Variants in DIO2 observed in about 807,000 individuals in gnomAD.
The protein encoded by DIO2 is iodothyronine deiodinase 2.
DIO2 carries 19 observed loss-of-function variants against 21.4 expected under a neutral mutation model. The ratio of observed to expected loss-of-function variants is 0.89; its 90% confidence interval spans 0.62 to 1.30. DIO2 has a LOEUF of 1.30. Ranked by LOEUF, DIO2 falls within the 50% of genes most tolerant of loss-of-function variation. DIO2 has a pLI of 0.00. For missense variants in DIO2, 302 were observed against 338.1 expected, an observed-to-expected ratio of 0.89 and a Z score of 0.84; for synonymous variants, 122 against 132.9, an observed-to-expected ratio of 0.92 and a Z score of 0.57.
chr14:80,220,207 T>C (rs1888439229), intron 2 of DIO2, among the ~76,000 whole-genome samples: 1 of 152,192 alleles, frequency 6.6e-6, no homozygotes, highest in African/African-American at 2.4e-5. Context: ...TCTGAGCAGC[T>C]GGGACTACAG....
In DIO2 at chr14:80,219,935, G is replaced by A. The variant is rs17110461; in HGVS notation, c.-277-3198C>T. On this transcript the variant is annotated intron_variant, in intron 2 of 4. Transcript: ENST00000553594. ...AATCACTATGAGAGGAACTTACGTGGTATTTTTTGACCTTAGAACATAATT... is the reference window on the plus strand; with the variant it reads ...AATCACTATGAGAGGAACTTACGTGATATTTTTTGACCTTAGAACATAATT... Among the ~76,000 whole-genome samples the A allele has an allele frequency of 8.7e-3, 1,321 of 152,146 alleles. 25 individuals carry two copies. Among genetic ancestry groups the A allele is most frequent in the African/African-American group, 0.03 (1,261 of 41,514 alleles).
At chr14:80,214,512 A>AT (rs531082328), upstream of DIO2, among the ~76,000 whole-genome samples, 782 of 151,680 alleles carry the variant, frequency 5.2e-3, 9 homozygotes, top group African/African-American at 0.017. Context: ...TTTGAAGGGA[A>AT]TTTTTTTTTA....
chr14:80,203,357 C>A, intron 1 of DIO2, 69 bp from the exon 2 acceptor site: 3 of 1,442,560 alleles, frequency 2.1e-6, no homozygotes, highest in Non-Finnish European at 2.8e-6. Flanking sequence ...CACATTGCCA[C>A]TTGAATTCAC....
intron 2 of DIO2, among the ~76,000 whole-genome samples, chr14:80,224,344 T>C (rs993911033): frequency 6.6e-6 from 1 of 152,108 alleles, no homozygotes; most frequent in Admixed American, 6.6e-5. Flanking sequence ...AATCCTAATC[T>C]CTGGAACCTG....
intron 2 of DIO2, among the ~76,000 whole-genome samples, chr14:80,220,444 C>G (rs1346980796): frequency 6.6e-6 from 1 of 152,122 alleles, no homozygotes; most frequent in African/African-American, 2.4e-5. Flanking sequence ...AAGATAGCAA[C>G]AACCAATTAA....
chr14:80,218,258 G>A (rs1408503932), intron 2 of DIO2, among the ~76,000 whole-genome samples: 1 of 151,926 alleles, frequency 6.6e-6, no homozygotes, highest in African/African-American at 2.4e-5. Context: ...ACAGATCCTG[G>A]CAGGCAGGCC....
upstream of DIO2, among the ~76,000 whole-genome samples, chr14:80,212,795 T>C (rs1888257057): frequency 6.6e-6 from 1 of 152,008 alleles, no homozygotes; most frequent in South Asian, 2.1e-4. Flanking sequence ...TTAAAGCTTC[T>C]TGCAGAAACT....
intron 1 of DIO2, among the ~76,000 whole-genome samples, chr14:80,209,455 A>G (rs1158609334): frequency 6.6e-6 from 1 of 152,092 alleles, no homozygotes; most frequent in African/African-American, 2.4e-5. Flanking sequence ...ATCTGCTAAC[A>G]CGTATAAAAT....
intron 2 of DIO2, among the ~76,000 whole-genome samples, chr14:80,222,583 A>T (rs879185369): frequency 6.6e-6 from 1 of 152,182 alleles, no homozygotes; most frequent in Admixed American, 6.5e-5. Flanking sequence ...AAATGCAAAA[A>T]ATTTCCTATA....
At chr14:80,224,697 C>T (rs2140021691) in intron 2 of DIO2, among the ~76,000 whole-genome samples, 1 of 152,244 alleles carries the variant, frequency 6.6e-6, no homozygotes, top group Admixed American at 6.5e-5. Context: ...CCACAGGAAA[C>T]TCATACAGGC....
At chr14:80,217,094 G>C (rs918149876) in intron 2 of DIO2, among the ~76,000 whole-genome samples, 1 of 152,150 alleles carries the variant, frequency 6.6e-6, no homozygotes, top group East Asian at 1.9e-4. Context: ...ACTAAGTAAG[G>C]CTCAAAGAAA....
intron 2 of DIO2, among the ~76,000 whole-genome samples, chr14:80,220,477 C>T (rs1239327435): frequency 6.6e-6 from 1 of 152,138 alleles, no homozygotes; most frequent in Admixed American, 6.5e-5. Flanking sequence ...CACAGCCACA[C>T]TTATATAATT....
upstream of DIO2, among the ~76,000 whole-genome samples, chr14:80,212,491 C>T (rs1354504487): frequency 3.9e-5 from 6 of 152,190 alleles, no homozygotes; most frequent in East Asian, 9.7e-4. Context: ...ATGGCCAACA[C>T]TCTCTCTTCT....
At chr14:80,216,918 A>T (rs1004785683) in intron 2 of DIO2, among the ~76,000 whole-genome samples, 5 of 152,178 alleles carry the variant, frequency 3.3e-5, no homozygotes, top group African/African-American at 1.2e-4. Context: ...CAGCTTTTTT[A>T]AAAAGTCACT....
rs749477268 is a variant in DIO2, at chr14:80,211,203, C to T, written c.222+48G>A. On this transcript the variant is annotated intron_variant, in intron 1 of 1. Transcript: ENST00000438257. ...TGGCCTCTGGTCCCCAGCATATGAGCCCCTGCCCCTGTAGACCTAGGGAGA... is the reference window on the plus strand; with the variant it reads ...TGGCCTCTGGTCCCCAGCATATGAGTCCCTGCCCCTGTAGACCTAGGGAGA... The T allele has an allele frequency of 2.6e-6, 4 of 1,550,978 alleles. No homozygotes were observed. The East Asian group carries it at 6.8e-5, about 26-fold the overall frequency.
At chr14:80,205,643 C>G in intron 1 of DIO2, 1 of 1,333,200 alleles carries the variant, frequency 7.5e-7, no homozygotes, top group South Asian at 1.2e-5. Flanking sequence ...CCTTCTCCTT[C>G]TTAGAAACAA....
chr14:80,227,379 T>G (rs1237096704), intron 2 of DIO2, among the ~76,000 whole-genome samples: 2 of 152,164 alleles, frequency 1.3e-5, no homozygotes, highest in Non-Finnish European at 2.9e-5. Context: ...TATATACCAC[T>G]TCCATTTGAT....
chr14:80,221,197 C>G (rs1308951532), intron 2 of DIO2, among the ~76,000 whole-genome samples: 1 of 152,132 alleles, frequency 6.6e-6, no homozygotes, highest in African/African-American at 2.4e-5. Context: ...CTTCCCAGAA[C>G]ATCTACAATG....
chr14:80,223,446 G>A (rs1294662571), intron 2 of DIO2, among the ~76,000 whole-genome samples: 1 of 152,156 alleles, frequency 6.6e-6, no homozygotes, highest in Non-Finnish European at 1.5e-5. Context: ...AATATGTTGT[G>A]TTGCTATTAA....
Sources: gnomAD v4.1 joint callset for allele counts (sites outside exome capture counted in the v4.1 genomes callset) on GRCh38, gnomAD v4.1.1 for gene constraint, MANE v1.5 for transcripts, NCBI Gene and HGNC (gene_info 2026-07-23, HGNC 2026-07-21) for gene names.